KIF19: variants seen among roughly 807,000 people sequenced by gnomAD.
KIF19 encodes the protein kinesin-like protein KIF19.
A neutral mutation model predicts 106.6 loss-of-function variants in KIF19; 98 were observed. That is an observed-to-expected ratio of 0.92 (90% CI 0.78 to 1.09). The LOEUF (loss-of-function observed/expected upper bound fraction) is 1.09, where lower values mean the gene tolerates loss of function less well. KIF19 is among the 50% of genes least tolerant of loss of function. The probability of loss-of-function intolerance (pLI) is 0.00; values close to 1 mark genes in which losing one functional copy is unlikely to be tolerated. For synonymous variants in KIF19, 516 were observed against 584.2 expected, an observed-to-expected ratio of 0.88 and a Z score of 1.68; for missense variants, 1,373 against 1,414.3, an observed-to-expected ratio of 0.97 and a Z score of 0.47.
intron 2 of KIF19, among the ~76,000 whole-genome samples, chr17:74,334,794 G>C (rs2054181096): frequency 6.6e-6 from 1 of 152,208 alleles, no homozygotes; most frequent in Non-Finnish European, 1.5e-5. Context: ...ACAAGGCCTA[G>C]AATCAGGATT....
chr17:74,343,101 C>T lies in KIF19; in HGVS notation c.397C>T (p.Arg133Cys), dbSNP rs765728283. The stretch of plus-strand genomic sequence containing the variant: ...TGTTCAGACCCTCAACGACCTCTTC[C>T]GTGCCATCGAGGAGACCAGCAATGA... ...IYVQTLNDLF[R>C]AIEETSNDME... Residue 133 changes from arginine to cysteine, a missense_variant, in exon 5 of 20, where the codon CGT becomes TGT. By Grantham distance (180) the Arg-to-Cys change is radical. Coordinates refer to ENST00000389916, the MANE Select transcript of KIF19 (RefSeq NM_153209.4). 22 of 1,613,166 alleles carry T rather than the reference C, an allele frequency of 1.4e-5. No individual in the cohort carries two copies. Among genetic ancestry groups the T allele is most frequent in the Middle Eastern group, 3.3e-4 (2 of 6,080 alleles).
intron 2 of KIF19, among the ~76,000 whole-genome samples, chr17:74,333,111 G>C (rs996562434): frequency 8.5e-5 from 13 of 152,210 alleles, no homozygotes; most frequent in Non-Finnish European, 1.8e-4. Context: ...CTGCCTGCCT[G>C]GGGGCAGTGA....
intron 5 of KIF19, 117 bp downstream of exon 5, chr17:74,343,277 A>G: frequency 2.9e-6 from 3 of 1,029,942 alleles, no homozygotes; most frequent in Non-Finnish European, 4.2e-6. Flanking sequence ...TGTGAGCTCC[A>G]CTTTACAAAC....
At chr17:74,353,367 C>G in intron 16 of KIF19, 66 bp downstream of exon 16, 1 of 1,467,718 alleles carries the variant, frequency 6.8e-7, no homozygotes. Flanking sequence ...TGGGGGTGGA[C>G]AGCAGCAGTT....
chr17:74,353,266 C>T lies in KIF19; in HGVS notation c.2185C>T (p.Pro729Ser), dbSNP rs1360103224. The change falls in exon 16 of 20, where the codon CCT becomes TCT. Residue 729 changes from proline (P) to serine (S), a missense_variant. Pro to Ser is a moderately conservative substitution (Grantham distance 74). This residue lies in a region of KIF19 where 1,020 missense variants were observed against 1,008.2 expected (regional missense o/e 1.01). Transcript: ENST00000389916. ...QAKSSSVPTP[P>S]PIQLGSLVTQ... is the part of the protein sequence containing the mutation. ...AAAAAGCTCCTCTGTGCCCACCCCACCTCCCATCCAGCTCGGCAGCCTGGT... is the reference window on the plus strand; with the variant it reads ...AAAAAGCTCCTCTGTGCCCACCCCATCTCCCATCCAGCTCGGCAGCCTGGT... The T allele has an allele frequency of 6.3e-6, 10 of 1,580,318 alleles. No individual in the cohort carries two copies. The highest frequency in any genetic ancestry group is 7.7e-6 in the Non-Finnish European group (9 of 1,163,870).
chr17:74,347,680 G>A, intron 8 of KIF19, 97 bp from the exon 9 acceptor site: 1 of 1,421,848 alleles, frequency 7.0e-7, no homozygotes, highest in African/African-American at 1.4e-5. Context: ...TAAAGAGACA[G>A]AGAGATTGCA....
chr17:74,339,929 C>G (rs559689158), intron 2 of KIF19, among the ~76,000 whole-genome samples: 95 of 152,270 alleles, frequency 6.2e-4, no homozygotes, highest in African/African-American at 2.2e-3. Flanking sequence ...TGGGTCTCGA[C>G]TTGATGGCAG....
chr17:74,354,370 T>C lies in KIF19; in HGVS notation c.2517T>C (p.His839=). Residue 839 remains histidine, a synonymous_variant, in exon 18 of 20, where the codon CAT becomes CAC. Coordinates refer to ENST00000389916, the MANE Select transcript of KIF19 (RefSeq NM_153209.4). Reference sequence around the variant, plus strand: ...GGCCGCCCAGCCCCACACTACAGCATGCTGCCAGTGAGGACAACCTGTCCA... The same window carrying C: ...GGCCGCCCAGCCCCACACTACAGCACGCTGCCAGTGAGGACAACCTGTCCA... ...CKRPPSPTLQ[H]AASEDNLSSS... The C allele has an allele frequency of 6.2e-7, 1 of 1,608,882 alleles. No homozygotes were observed. The highest frequency in any genetic ancestry group is 1.3e-5 in the African/African-American group (1 of 74,988).
chr17:74,345,868 C>T (rs572413190), intron 7 of KIF19, among the ~76,000 whole-genome samples: 2 of 152,210 alleles, frequency 1.3e-5, no homozygotes, highest in South Asian at 2.1e-4. Context: ...CGAGCTGGTC[C>T]CGGCTTCTCC....
chr17:74,347,644 C>T (rs988624448), intron 8 of KIF19, 133 bp from the exon 9 acceptor site: 24 of 1,012,924 alleles, frequency 2.4e-5, no homozygotes, highest in Admixed American at 9.1e-5. Flanking sequence ...CACCATATGA[C>T]GCTCAGCAGC....
At chr17:74,338,845 C>T (rs1310938326) in intron 2 of KIF19, among the ~76,000 whole-genome samples, 8 of 152,014 alleles carry the variant, frequency 5.3e-5, no homozygotes, top group African/African-American at 1.9e-4. Context: ...CGGCTGTGCT[C>T]ACAGCTCTGC....
chr17:74,345,046 AC>A, intron 7 of KIF19, 91 bp downstream of exon 7: 1 of 1,244,968 alleles, frequency 8.0e-7, no homozygotes, highest in Non-Finnish European at 1.1e-6. Context: ...CAAGGCCAGC[AC>A]CACAGGAACA....
intron 2 of KIF19, among the ~76,000 whole-genome samples, chr17:74,339,265 C>G (rs988079044): frequency 2.0e-5 from 3 of 151,862 alleles, no homozygotes; most frequent in African/African-American, 7.2e-5. Flanking sequence ...GCCGGAGCAC[C>G]AGCTGGGACC....
intron 2 of KIF19, chr17:74,329,187 GA>G (rs2054002999): frequency 6.6e-6 from 1 of 152,202 alleles, no homozygotes; most frequent in Admixed American, 6.5e-5. Flanking sequence ...GCTTCCTTAA[GA>G]AACTGTGCTT....
intron 17 of KIF19, 131 bp downstream of exon 17, chr17:74,353,712 T>C (rs1460611934): frequency 1.4e-6 from 1 of 736,618 alleles, no homozygotes; most frequent in Non-Finnish European, 2.4e-6. Context: ...ACACATTCTG[T>C]AGAGGCACCA....
intron 2 of KIF19, among the ~76,000 whole-genome samples, chr17:74,330,338 G>A (rs1181649082): frequency 6.6e-6 from 1 of 152,320 alleles, no homozygotes; most frequent in East Asian, 1.9e-4. Context: ...GAGGGTCTTT[G>A]TAGGCTAATG....
chr17:74,328,418 C>T lies in KIF19; in HGVS notation c.40-7C>T, dbSNP rs2053973457. ...TCTAATCCCAGGGGCTTGGTTTTCC[C>T]TCCCAGGTGGCGCTTCGGGTCCGGC... is the stretch of plus-strand genomic sequence containing the variant. On this transcript the variant is annotated splice_polypyrimidine_tract_variant and splice_region_variant and intron_variant, in intron 1 of 19. Coordinates refer to ENST00000389916, the MANE Select transcript of KIF19 (RefSeq NM_153209.4). The T allele has an allele frequency of 1.9e-6, 3 of 1,603,420 alleles. No individual in the cohort carries two copies. Among genetic ancestry groups the T allele is most frequent in the Non-Finnish European group, 2.6e-6 (3 of 1,176,086 alleles).
chr17:74,334,464 C>T (rs1402293197), intron 2 of KIF19, among the ~76,000 whole-genome samples: 1 of 152,134 alleles, frequency 6.6e-6, no homozygotes, highest in African/African-American at 2.4e-5. Flanking sequence ...CTTGGTTATA[C>T]ACACTCCCCA....
At chr17:74,336,343 G>A (rs117245821) in intron 2 of KIF19, among the ~76,000 whole-genome samples, 5,692 of 152,226 alleles carry the variant, frequency 0.037, 268 homozygotes, top group East Asian at 0.25. Flanking sequence ...ACAGGCGTGA[G>A]CCACCATGCC....
Sources: gnomAD v4.1 joint callset for allele counts (sites outside exome capture counted in the v4.1 genomes callset) on GRCh38, gnomAD v4.1.1 for gene constraint, gnomAD v4.1.1 regional missense constraint, MANE v1.5 for transcripts, NCBI Gene and HGNC (gene_info 2026-07-23, HGNC 2026-07-21) for gene names.